Variants in RASGRP3 observed in about 807,000 individuals in gnomAD.
The protein encoded by RASGRP3 is ras guanyl-releasing protein 3.
RASGRP3 carries 54 observed loss-of-function variants against 82.7 expected under a neutral mutation model. The observed-to-expected ratio is 0.65, with a 90% CI of 0.52 to 0.82. RASGRP3 has a LOEUF of 0.82. Ranked by LOEUF, RASGRP3 falls within the 40% of genes least tolerant of loss-of-function variation. The pLI, the probability that RASGRP3 is intolerant of heterozygous loss-of-function variation, is 0.00. For synonymous variants in RASGRP3, 309 were observed against 300.5 expected (o/e 1.03, Z -0.29); for missense variants, 861 against 828.9 (o/e 1.04, Z -0.48).
chr2:33,553,394 G>A (rs1675567499), intron 14 of RASGRP3, among the ~76,000 whole-genome samples: 1 of 152,144 alleles, frequency 6.6e-6, no homozygotes, highest in African/African-American at 2.4e-5. Context: ...AAGCTAATAT[G>A]TATAAAGAGC....
chr2:33,544,259 A>G (rs1674534219), intron 13 of RASGRP3, among the ~76,000 whole-genome samples: 1 of 152,070 alleles, frequency 6.6e-6, no homozygotes, highest in Non-Finnish European at 1.5e-5. Context: ...GGTTGCAGTG[A>G]GCTGAGATAG....
At chr2:33,479,274 A>G (rs1172838160) in intron 1 of RASGRP3, among the ~76,000 whole-genome samples, 2 of 152,170 alleles carry the variant, frequency 1.3e-5, no homozygotes, top group Non-Finnish European at 2.9e-5. Flanking sequence ...CTCTTTGAAA[A>G]TAGTTCAGTG....
chr2:33,488,019 G>A (rs1251776177), intron 1 of RASGRP3, among the ~76,000 whole-genome samples: 3 of 152,168 alleles, frequency 2.0e-5, no homozygotes, highest in African/African-American at 7.2e-5. Flanking sequence ...TTTCACACAA[G>A]AGAGATTAAA....
intron 11 of RASGRP3, among the ~76,000 whole-genome samples, chr2:33,534,694 A>ATTTTTTTTTT (rs71910431): frequency 6.3e-4 from 77 of 122,128 alleles, no homozygotes; most frequent in African/African-American, 8.8e-4. Flanking sequence ...ACACCCAGCA[A>ATTTTTTTTTT]TTTTTTTTTT....
chr2:33,470,325 A>T (rs1032776190), intron 2 of RASGRP3, among the ~76,000 whole-genome samples: 2 of 151,806 alleles, frequency 1.3e-5, no homozygotes, highest in African/African-American at 4.8e-5. Context: ...CACTTTTTTT[A>T]TTCCTAGAAA....
chr2:33,562,264 TC>T (rs1231704836), intron 17 of RASGRP3, among the ~76,000 whole-genome samples: 6 of 118,124 alleles, frequency 5.1e-5, no homozygotes, highest in Non-Finnish European at 9.3e-5. Flanking sequence ...ATGATCTCTC[TC>T]TCTTTTTTTT....
At chr2:33,518,187 T>C (rs1574402458) in intron 4 of RASGRP3, among the ~76,000 whole-genome samples, 1 of 152,338 alleles carries the variant, frequency 6.6e-6, no homozygotes, top group East Asian at 1.9e-4. Flanking sequence ...CAAGCCTAGA[T>C]GCTGTAGCCT....
intron 2 of RASGRP3, among the ~76,000 whole-genome samples, 169 bp from the exon 3 acceptor site, chr2:33,514,841 C>G (rs897381552): frequency 6.6e-6 from 1 of 152,098 alleles, no homozygotes; most frequent in Non-Finnish European, 1.5e-5. Context: ...AACAGCTTAG[C>G]AGGTATTTTG....
intron 14 of RASGRP3, among the ~76,000 whole-genome samples, chr2:33,550,116 A>C (rs1280939990): frequency 6.6e-6 from 1 of 152,218 alleles, no homozygotes; most frequent in Non-Finnish European, 1.5e-5. Flanking sequence ...TTTTCATTTC[A>C]TGGGGTATTA....
At chr2:33,521,207 G>T (rs1202894364) in intron 6 of RASGRP3, among the ~76,000 whole-genome samples, 2 of 152,196 alleles carry the variant, frequency 1.3e-5, no homozygotes, top group Admixed American at 1.3e-4. Context: ...CAGAACAACA[G>T]CCTTATGGTG....
At chr2:33,449,548 T>C (rs943330380) in intron 2 of RASGRP3, among the ~76,000 whole-genome samples, 3 of 152,082 alleles carry the variant, frequency 2.0e-5, no homozygotes, top group Admixed American at 1.3e-4. Context: ...GACCATGAGG[T>C]CAGGAGATTG....
At chr2:33,536,068 C>A (rs182752952) in intron 11 of RASGRP3, among the ~76,000 whole-genome samples, 11 of 151,866 alleles carry the variant, frequency 7.2e-5, no homozygotes, top group Non-Finnish European at 1.5e-5. Flanking sequence ...TTTGGGAGGC[C>A]GAGGCAGGCA....
intron 15 of RASGRP3, 79 bp from the exon 16 acceptor site, chr2:33,558,132 T>C: frequency 6.5e-7 from 1 of 1,540,894 alleles, no homozygotes; most frequent in Admixed American, 1.9e-5. Context: ...AGGGGAGGGC[T>C]GACAAATCAA....
chr2:33,557,602 C>A (rs1014147593), intron 15 of RASGRP3, among the ~76,000 whole-genome samples: 1 of 151,208 alleles, frequency 6.6e-6, no homozygotes, highest in Non-Finnish European at 1.5e-5. Flanking sequence ...CCCAGCTACT[C>A]GGGAGGCTGA....
At chr2:33,478,692 G>A (rs773913552) in intron 1 of RASGRP3, among the ~76,000 whole-genome samples, 6 of 152,184 alleles carry the variant, frequency 3.9e-5, no homozygotes, top group Non-Finnish European at 7.3e-5. Context: ...ACCTGGATAG[G>A]AATGATAGAA....
intron 2 of RASGRP3, among the ~76,000 whole-genome samples, chr2:33,456,882 G>A (rs921606830): frequency 1.6e-4 from 24 of 150,902 alleles, no homozygotes; most frequent in Non-Finnish European, 3.2e-4. Context: ...AAGTCTACCA[G>A]GCATTGTGCT....
chr2:33,554,317 T>G (rs1008134617), intron 14 of RASGRP3, among the ~76,000 whole-genome samples: 1 of 152,144 alleles, frequency 6.6e-6, no homozygotes. Context: ...ATTATTTTAT[T>G]AAGTAGATAA....
Position 33,559,028 on chromosome 2 carries a change from G to C in RASGRP3, c.2062G>C (p.Glu688Gln). The C allele has an allele frequency of 1.2e-6, 2 of 1,600,610 alleles. No individual in the cohort carries two copies. Among genetic ancestry groups the C allele is most frequent in the Non-Finnish European group, 8.5e-7 (1 of 1,174,392 alleles). ...DEGEETRQDG[E>Q]DG Reference sequence around the variant, plus strand: ...AGGAGAAGAGACCAGACAGGATGGTGAGGTAAGTGCTAGGTCAACCCACAA... The same window carrying C: ...AGGAGAAGAGACCAGACAGGATGGTCAGGTAAGTGCTAGGTCAACCCACAA... The change falls in exon 17 of 18, where the codon GAG (glutamate) becomes CAG (glutamine). Residue 688 changes from glutamate to glutamine, a missense_variant and splice_region_variant. Coordinates refer to ENST00000403687, the MANE Select transcript of RASGRP3 (RefSeq NM_001139488.2).
At chr2:33,509,666 C>T (rs1467495442) in intron 1 of RASGRP3, among the ~76,000 whole-genome samples, 1 of 152,194 alleles carries the variant, frequency 6.6e-6, no homozygotes, top group African/African-American at 2.4e-5. Context: ...TCCCTACCTG[C>T]TCTGTGCTCC....
Sources: allele counts gnomAD v4.1 joint callset (sites outside exome capture counted in the v4.1 genomes callset), GRCh38; gene constraint gnomAD v4.1.1; transcripts MANE v1.5; gene names NCBI Gene and HGNC (gene_info 2026-07-23, HGNC 2026-07-21).